Variants in MTERF4 observed in about 807,000 individuals in gnomAD.
MTERF4 encodes transcription termination factor 4, mitochondrial.
In MTERF4, 17 loss-of-function variants were observed where a neutral mutation model predicts 22.5. The ratio of observed to expected loss-of-function variants is 0.75; its 90% CI spans 0.52 to 1.13. The LOEUF is 1.13. Ranked by LOEUF, MTERF4 falls within the 50% of genes most tolerant of loss-of-function variation. The probability of loss-of-function intolerance (pLI) is 0.00; values close to 1 mark genes in which losing one functional copy is unlikely to be tolerated. For synonymous variants in MTERF4, 165 were observed against 175.3 expected, an observed-to-expected ratio of 0.94 and a Z score of 0.47; for missense variants, 420 against 466.8, an observed-to-expected ratio of 0.90 and a Z score of 0.92.
chr2:241,057,380 A>ATATATATAT, the MTERF4 span, among the ~76,000 whole-genome samples: 1 of 118,132 alleles, frequency 8.5e-6, no homozygotes, highest in African/African-American at 3.8e-5. Flanking sequence ...TCCATCTCAA[A>ATATATATAT]ATATATATAT....
downstream of MTERF4, chr2:241,072,091 T>G (rs1161279593): frequency 2.9e-6 from 2 of 700,714 alleles, no homozygotes; most frequent in Non-Finnish European, 5.2e-6. Context: ...CGTGAGGGCC[T>G]CACGTCAGTG....
At chr2:241,078,181 G>A (rs958058253) in intron 4 of MTERF4, among the ~76,000 whole-genome samples, 14 of 149,980 alleles carry the variant, frequency 9.3e-5, no homozygotes, top group South Asian at 8.3e-4. Flanking sequence ...TCAGGCGTTC[G>A]AGACAAGTCT....
chr2:241,065,118 G>A, the MTERF4 span, among the ~76,000 whole-genome samples: 1 of 151,924 alleles, frequency 6.6e-6, no homozygotes, highest in African/African-American at 2.4e-5. Context: ...CTTGAAACAC[G>A]GTCACACATT....
At chr2:241,087,397 A>G (rs1184692146), downstream of MTERF4, 1 of 1,597,720 alleles carries the variant, frequency 6.3e-7, no homozygotes, top group South Asian at 1.1e-5. Context: ...AACAGGTATA[A>G]AAGAGTCTAC....
chr2:241,072,922 T>A, exon 5 of MTERF4: 1 of 319,708 alleles, frequency 3.1e-6, no homozygotes, highest in Non-Finnish European at 5.8e-6. Flanking sequence ...GAAGCAGGGG[T>A]GGAAGGAGAG....
rs373044884 is a variant in MTERF4, at chr2:241,097,228, A to T, written c.705+15T>A. 3.8e-5 allele frequency: 61 copies of T among 1,612,890 alleles called. No individual in the cohort carries two copies. Among genetic ancestry groups the T allele is most frequent in the Non-Finnish European group, 5.1e-5 (60 of 1,179,416 alleles). On this transcript the variant is annotated intron_variant, in intron 3 of 3. Transcript: ENST00000391980. ...CACCTGAAACTACGCTAATCACGCT[A>T]TCAGTCATTCTCACCTGAAACTTGT...
the MTERF4 span, among the ~76,000 whole-genome samples, chr2:241,066,193 C>T: frequency 1.3e-5 from 2 of 152,138 alleles, no homozygotes; most frequent in Admixed American, 6.5e-5. Flanking sequence ...GGAGCCTCCT[C>T]AGAGCCTGAG....
At chr2:241,093,448 T>C (rs2064177517), downstream of MTERF4, 1 of 140,456 alleles carries the variant, frequency 7.1e-6, no homozygotes. Flanking sequence ...TGCTCCAGTG[T>C]TAGCTTAGAA....
chr2:241,076,716 G>T (rs1392394931), intron 4 of MTERF4, among the ~76,000 whole-genome samples: 3 of 152,030 alleles, frequency 2.0e-5, no homozygotes, highest in Admixed American at 6.5e-5. Flanking sequence ...ATGGGTTAAG[G>T]ATAGGCATTT....
chr2:241,042,927 T>G, the MTERF4 span, among the ~76,000 whole-genome samples: 139 of 152,174 alleles, frequency 9.1e-4, no homozygotes, highest in African/African-American at 3.3e-3. Context: ...TGGAGAACAG[T>G]ATCAAGCAGC....
chr2:241,082,322 CAA>C, downstream of MTERF4: 1 of 1,613,698 alleles, frequency 6.2e-7, no homozygotes, highest in Non-Finnish European at 8.5e-7. Context: ...TTCTCCGAGA[CAA>C]AGGCCTTTCC....
the MTERF4 span, chr2:241,052,380 G>C: frequency 1.3e-6 from 2 of 1,586,050 alleles, no homozygotes; most frequent in Admixed American, 1.7e-5. Context: ...TCCGGAGCCC[G>C]TGTGTGAATG....
the MTERF4 span, chr2:241,065,580 C>T: frequency 5.0e-6 from 8 of 1,612,054 alleles, no homozygotes; most frequent in Non-Finnish European, 5.9e-6. Flanking sequence ...GCCTGCCGTG[C>T]TGCTGGCCCG....
chr2:241,089,044 T>A, downstream of MTERF4: 1 of 382,642 alleles, frequency 2.6e-6, no homozygotes, highest in Non-Finnish European at 4.7e-6. Context: ...CAAACTCTTT[T>A]GGCAACCAAA....
the MTERF4 span, among the ~76,000 whole-genome samples, chr2:241,056,783 G>A: frequency 1.2e-3 from 187 of 151,450 alleles, no homozygotes; most frequent in African/African-American, 4.2e-3. Flanking sequence ...GGGTTTCACC[G>A]TGTTAGCCAG....
exon 5 of MTERF4, chr2:241,074,834 A>G (rs2062944409): frequency 6.6e-6 from 1 of 152,208 alleles, no homozygotes; most frequent in African/African-American, 2.4e-5. Context: ...GATGTGAACG[A>G]TACCTTCTAT....
At chr2:241,083,246 G>A (rs577648417), downstream of MTERF4, among the ~76,000 whole-genome samples, 1 of 152,328 alleles carries the variant, frequency 6.6e-6, no homozygotes, top group East Asian at 1.9e-4. Context: ...ACATTCCAGA[G>A]CCAGAGGACA....
chr2:241,094,398 CTT>C (rs2064250116), downstream of MTERF4: 2 of 471,096 alleles, frequency 4.2e-6, no homozygotes, highest in Admixed American at 2.4e-5. This position sits in a 1 kb window ranked among gnomAD's most constrained non-coding sequence, Gnocchi z 4.3. Flanking sequence ...AAACAAAAGT[CTT>C]TTTCTTTGCA....
intron 4 of MTERF4, among the ~76,000 whole-genome samples, chr2:241,076,867 G>A (rs1199563371): frequency 1.3e-5 from 2 of 152,176 alleles, no homozygotes; most frequent in South Asian, 2.1e-4. Flanking sequence ...CGAGGCGGGC[G>A]GATCACCAGG....
Sources: gnomAD v4.1 joint callset for allele counts (sites outside exome capture counted in the v4.1 genomes callset) on GRCh38, gnomAD v4.1.1 for gene constraint, Gnocchi (gnomAD v3.1) non-coding constraint, MANE v1.5 for transcripts, NCBI Gene and HGNC (gene_info 2026-07-23, HGNC 2026-07-21) for gene names.